The following RBFOX1 variants were observed in gnomAD, a reference collection of about 807,000 sequenced individuals.
The protein encoded by RBFOX1 is RNA binding fox-1 homolog 1, also known as RNA binding protein fox-1 homolog 1.
RBFOX1 carries 8 observed loss-of-function variants against 57.7 expected under a neutral mutation model. That is an observed-to-expected ratio of 0.14 (90% CI 0.08 to 0.25). The LOEUF is 0.25. RBFOX1 is among the 10% of genes least tolerant of loss of function. The probability of loss-of-function intolerance (pLI) is 1.00; values close to 1 mark genes in which losing one functional copy is unlikely to be tolerated. For missense variants in RBFOX1, 611 were observed against 548.5 expected (o/e 1.11, Z -1.14); for synonymous variants, 326 against 222.4 (o/e 1.47, Z -4.15).
intron 3 of RBFOX1, among the ~76,000 whole-genome samples, chr16:6,957,128 A>G (rs2082028099): frequency 1.4e-5 from 2 of 146,798 alleles, no homozygotes; most frequent in African/African-American, 2.5e-5. Flanking sequence ...TTATTTATTT[A>G]TTTATTTATT....
intron 3 of RBFOX1, among the ~76,000 whole-genome samples, chr16:6,818,217 C>G (rs559670940): frequency 6.6e-6 from 1 of 152,014 alleles, no homozygotes; most frequent in African/African-American, 2.4e-5. Flanking sequence ...GTTTGGCCAA[C>G]GAAATGTTAG....
chr16:7,230,106 G>T (rs1020664507), intron 4 of RBFOX1, among the ~76,000 whole-genome samples: 1 of 151,202 alleles, frequency 6.6e-6, no homozygotes, highest in Non-Finnish European at 1.5e-5. Flanking sequence ...GGGAAAGAAG[G>T]AAGGGAGAGA....
chr16:6,876,503 G>C lies in RBFOX1; in HGVS notation c.-15-175554G>C, dbSNP rs1221188119. Among the ~76,000 whole-genome samples, 4 of 152,156 alleles carry C rather than the reference G, an allele frequency of 2.6e-5. No homozygotes were observed. The East Asian group carries it at 5.8e-4, about 22-fold the overall frequency. ...TATTTTATCTTCATCACATAGCGCT[G>C]TACCTAGCACACAGTAGGCATTTAA... On this transcript the variant is annotated intron_variant, in intron 3 of 15. Coordinates refer to ENST00000550418, the MANE Select transcript of RBFOX1 (RefSeq NM_018723.4).
At chr16:5,241,816 C>G (rs954126698) in intron 1 of RBFOX1, among the ~76,000 whole-genome samples, 4 of 152,100 alleles carry the variant, frequency 2.6e-5, no homozygotes, top group Non-Finnish European at 2.9e-5. Flanking sequence ...AGACAAGGTT[C>G]TTGGCCGGGC....
chr16:7,473,236 G>A (rs939370958), intron 4 of RBFOX1, among the ~76,000 whole-genome samples: 2 of 151,886 alleles, frequency 1.3e-5, no homozygotes, highest in Non-Finnish European at 2.9e-5. Context: ...AAACTAGCTG[G>A]GCATGGTGGC....
At chr16:5,714,127 C>A (rs567848981) in intron 3 of RBFOX1, among the ~76,000 whole-genome samples, 1 of 152,300 alleles carries the variant, frequency 6.6e-6, no homozygotes, top group East Asian at 1.9e-4. Context: ...GCATTTCCAC[C>A]ATATCTGTTT....
At chr16:6,962,372 T>C (rs144133547) in intron 3 of RBFOX1, among the ~76,000 whole-genome samples, 1 of 152,146 alleles carries the variant, frequency 6.6e-6, no homozygotes, top group Non-Finnish European at 1.5e-5. Flanking sequence ...GTAGCAAGGG[T>C]TAGGACTTCG....
rs553455023 is a variant in RBFOX1 at position 6,850,045 on chromosome 16, C to T, written c.-16+195395C>T. Among the ~76,000 whole-genome samples, 3 of 152,182 alleles carry T rather than the reference C, an allele frequency of 2.0e-5. No homozygotes were observed. The East Asian group carries it at 5.8e-4, about 29-fold the overall frequency. On this transcript the variant is annotated intron_variant, in intron 3 of 15. Transcript: ENST00000550418. ...TTTTCTCAAAGAAATACACCATGTACTCCTTTGTGCATAGATACCTTCTTA... is the reference window on the plus strand; with the variant it reads ...TTTTCTCAAAGAAATACACCATGTATTCCTTTGTGCATAGATACCTTCTTA...
intron 2 of RBFOX1, among the ~76,000 whole-genome samples, chr16:6,347,885 C>A (rs563241196): frequency 6.6e-6 from 1 of 152,274 alleles, no homozygotes; most frequent in South Asian, 2.1e-4. Context: ...CAGTGACCTC[C>A]AACAGCTCAT....
At chr16:5,777,713 A>G (rs1162642632) in intron 3 of RBFOX1, among the ~76,000 whole-genome samples, 2 of 152,230 alleles carry the variant, frequency 1.3e-5, no homozygotes, top group Non-Finnish European at 2.9e-5. Context: ...ACCATCACAC[A>G]GGGAAACACA....
chr16:5,356,848 A>G (rs1191613618), intron 1 of RBFOX1, among the ~76,000 whole-genome samples: 1 of 152,208 alleles, frequency 6.6e-6, no homozygotes, highest in Non-Finnish European at 1.5e-5. Flanking sequence ...TGCCGATAGT[A>G]ATACTATTGA....
At chr16:7,699,305 C>T (rs1244014054) in intron 14 of RBFOX1, among the ~76,000 whole-genome samples, 1 of 152,166 alleles carries the variant, frequency 6.6e-6, no homozygotes, top group South Asian at 2.1e-4. Context: ...GATCCTCCCA[C>T]TTCACCCTCC....
At chr16:6,789,035 C>T (rs74007043) in intron 3 of RBFOX1, among the ~76,000 whole-genome samples, 13,609 of 152,058 alleles carry the variant, frequency 0.089, 1,173 homozygotes, top group East Asian at 0.23. Context: ...GATGGTTCTC[C>T]TGCTGTATAG....
chr16:6,192,907 A>C (rs2097150980), intron 1 of RBFOX1, among the ~76,000 whole-genome samples: 1 of 152,198 alleles, frequency 6.6e-6, no homozygotes, highest in African/African-American at 2.4e-5. Flanking sequence ...ATAACAGACA[A>C]GCACTCTTTG....
chr16:5,707,462 T>C (rs917610772), intron 3 of RBFOX1, among the ~76,000 whole-genome samples: 3 of 152,028 alleles, frequency 2.0e-5, no homozygotes, highest in Non-Finnish European at 4.4e-5. Flanking sequence ...CCAGATTGAG[T>C]TTAGTAACCA....
chr16:7,482,665 A>G (rs895190179), intron 4 of RBFOX1, among the ~76,000 whole-genome samples: 1 of 147,324 alleles, frequency 6.8e-6, no homozygotes, highest in Non-Finnish European at 1.5e-5. Context: ...TGTGACAGGC[A>G]TTTCTTATCA....
At chr16:5,824,012 A>T (rs1243885376) in intron 3 of RBFOX1, among the ~76,000 whole-genome samples, 1 of 152,096 alleles carries the variant, frequency 6.6e-6, no homozygotes, top group Non-Finnish European at 1.5e-5. Flanking sequence ...ATGGTATAAG[A>T]GTTAAGGACA....
At chr16:7,097,658 C>G (rs973801014) in intron 4 of RBFOX1, among the ~76,000 whole-genome samples, 2 of 152,174 alleles carry the variant, frequency 1.3e-5, no homozygotes, top group South Asian at 2.1e-4. Flanking sequence ...CAGGGCCTCT[C>G]TGCATCTGGT....
intron 3 of RBFOX1, among the ~76,000 whole-genome samples, chr16:7,037,134 C>T (rs541795081): frequency 2.6e-5 from 4 of 151,490 alleles, no homozygotes; most frequent in Non-Finnish European, 5.9e-5. Context: ...AAGGTCCTTA[C>T]GACCTGTATC....
Sources: gnomAD v4.1 joint callset for allele counts (sites outside exome capture counted in the v4.1 genomes callset) on GRCh38, gnomAD v4.1.1 for gene constraint, MANE v1.5 for transcripts, NCBI Gene and HGNC (gene_info 2026-07-23, HGNC 2026-07-21) for gene names.